The following STX6 variants were observed in gnomAD, a reference collection of about 807,000 sequenced individuals.
STX6 encodes the protein syntaxin 6, also known as syntaxin-6.
Under a neutral mutation model 38.0 loss-of-function variants are expected in STX6, and 23 were observed. That is an observed-to-expected ratio of 0.60 (90% confidence interval 0.43 to 0.86). STX6 has a LOEUF of 0.86. Among genes scored for constraint, STX6 ranks in the 40% least tolerant of loss-of-function variants. STX6 has a pLI of 0.00. For missense variants in STX6, 274 were observed against 312.9 expected (o/e 0.88, Z 0.94); for synonymous variants, 123 against 107.5 (o/e 1.14, Z -0.89).
chr1:180,993,603 C>T (rs933779755), intron 3 of STX6, among the ~76,000 whole-genome samples, 178 bp from the exon 4 acceptor site: 4 of 151,960 alleles, frequency 2.6e-5, no homozygotes, highest in African/African-American at 9.7e-5. Flanking sequence ...GAAAGATGGT[C>T]CCTTAAAAAG....
chr1:181,016,080 G>A (rs1656547868), intron 1 of STX6, among the ~76,000 whole-genome samples: 2 of 152,184 alleles, frequency 1.3e-5, no homozygotes, highest in South Asian at 4.1e-4. Flanking sequence ...ATTTATGATA[G>A]AAATCAGATT....
chr1:180,992,505 G>C (rs1187775615), intron 4 of STX6, among the ~76,000 whole-genome samples: 3 of 152,146 alleles, frequency 2.0e-5, no homozygotes, highest in Non-Finnish European at 4.4e-5. Flanking sequence ...TGAGACTAAG[G>C]TAAGTCATTT....
chr1:181,017,911 T>C (rs1192393418), intron 1 of STX6, among the ~76,000 whole-genome samples: 1 of 152,142 alleles, frequency 6.6e-6, no homozygotes, highest in Non-Finnish European at 1.5e-5. Context: ...GAATACAGGC[T>C]ATGAAAATCA....
rs756041061 is a variant in STX6 at position 180,973,156 on chromosome 1, G to C, written c.*3414C>G. On this transcript the variant is annotated 3_prime_UTR_variant, in exon 8 of 8. Transcript: ENST00000258301. ...GAGAGGAAGACAAAGAAAAATTAGAGGCAGTACATTCCATATTTCAGAACT... is the reference window on the plus strand; with the variant it reads ...GAGAGGAAGACAAAGAAAAATTAGACGCAGTACATTCCATATTTCAGAACT... The C allele has an allele frequency of 3.9e-5, 6 of 152,568 alleles. No individual in the cohort carries two copies. The highest frequency in any genetic ancestry group is 7.3e-5 in the Non-Finnish European group (5 of 68,328). 9.5% of individuals were successfully genotyped at this position (152,568 alleles called of 1,614,324 possible).
chr1:180,981,507 A>G (rs1256213181), intron 7 of STX6, among the ~76,000 whole-genome samples: 1 of 152,052 alleles, frequency 6.6e-6, no homozygotes, highest in Non-Finnish European at 1.5e-5. Flanking sequence ...TCCCTCAGGC[A>G]TCTCGCTATT....
chr1:181,020,918 A>T (rs1656707081), intron 1 of STX6, among the ~76,000 whole-genome samples: 1 of 152,212 alleles, frequency 6.6e-6, no homozygotes, highest in South Asian at 2.1e-4. Flanking sequence ...CTCCCCAAAA[A>T]TCTGGATACA....
intron 6 of STX6, chr1:180,987,985 G>T: frequency 2.8e-6 from 1 of 353,926 alleles, no homozygotes; most frequent in Non-Finnish European, 5.3e-6. Flanking sequence ...TCGAGTATCT[G>T]CTCAGAGACA....
chr1:180,998,668 A>T (rs1655986047), intron 3 of STX6, among the ~76,000 whole-genome samples: 1 of 152,244 alleles, frequency 6.6e-6, no homozygotes, highest in Non-Finnish European at 1.5e-5. Context: ...GGCATGAGCC[A>T]CCACACCCCG....
chr1:181,007,007 G>A (rs1656241457), intron 1 of STX6, among the ~76,000 whole-genome samples: 1 of 152,148 alleles, frequency 6.6e-6, no homozygotes, highest in Admixed American at 6.5e-5. Flanking sequence ...AAGATAAAAT[G>A]GGGAAGAATT....
intron 4 of STX6, among the ~76,000 whole-genome samples, chr1:180,992,856 A>G (rs930178109): frequency 6.6e-6 from 1 of 152,242 alleles, no homozygotes; most frequent in Non-Finnish European, 1.5e-5. Context: ...TCTTTACATC[A>G]AATGTCAATC....
At chr1:181,013,206 T>C (rs1375451104) in intron 1 of STX6, among the ~76,000 whole-genome samples, 2 of 152,178 alleles carry the variant, frequency 1.3e-5, no homozygotes, top group African/African-American at 4.8e-5. Context: ...TAACCAAGTT[T>C]GCCAAGTAAA....
At chr1:180,981,923 C>T (rs990283743) in intron 7 of STX6, among the ~76,000 whole-genome samples, 18 of 152,100 alleles carry the variant, frequency 1.2e-4, no homozygotes, top group African/African-American at 4.1e-4. Context: ...AAAAGAACTC[C>T]AATGGTAGTT....
intron 6 of STX6, chr1:180,987,800 T>G: frequency 7.0e-6 from 1 of 142,900 alleles, no homozygotes; most frequent in Admixed American, 6.8e-5. Context: ...AAGTTTTTTT[T>G]AAAAAAAAAA....
chr1:181,010,516 G>A (rs1447890696), intron 1 of STX6, among the ~76,000 whole-genome samples: 1 of 152,062 alleles, frequency 6.6e-6, no homozygotes, highest in Non-Finnish European at 1.5e-5. Flanking sequence ...TGGCCAGGCT[G>A]GTCTCAAACT....
intron 4 of STX6, among the ~76,000 whole-genome samples, chr1:180,991,281 G>A (rs1655751157): frequency 6.6e-6 from 1 of 152,192 alleles, no homozygotes; most frequent in African/African-American, 2.4e-5. Flanking sequence ...AGTCCAGCTG[G>A]ATGGTGACTG....
At chr1:181,020,920 C>A (rs1030913064) in intron 1 of STX6, among the ~76,000 whole-genome samples, 1 of 152,166 alleles carries the variant, frequency 6.6e-6, no homozygotes, top group Admixed American at 6.5e-5. Flanking sequence ...CCCCAAAAAT[C>A]TGGATACACC....
In STX6 at chr1:180,983,964, T is replaced by G. The variant is rs553489527; in HGVS notation, c.691+713A>C. On this transcript the variant is annotated intron_variant, in intron 7 of 7. Coordinates refer to ENST00000258301, the MANE Select transcript of STX6 (RefSeq NM_005819.6). ...CTGTAGTCCCAGCTACTTGGGAGGCTGAGGCAGGAGAATGGCGTGAACCTG... is the reference window on the plus strand; with the variant it reads ...CTGTAGTCCCAGCTACTTGGGAGGCGGAGGCAGGAGAATGGCGTGAACCTG... 2.5e-3 allele frequency among the ~76,000 whole-genome samples: 356 copies of G among 143,192 alleles called. 6 individuals are homozygous for G. The highest frequency in any genetic ancestry group is 9.0e-3 in the African/African-American group (343 of 38,142). 93.9% of individuals were successfully genotyped at this position (143,192 alleles called of 152,430 possible). A position where few individuals can be genotyped will look rare whatever the true frequency, so the allele number is the denominator to read the frequency against.
chr1:181,012,836 G>C (rs557563718), intron 1 of STX6, among the ~76,000 whole-genome samples: 1 of 151,780 alleles, frequency 6.6e-6, no homozygotes, highest in Non-Finnish European at 1.5e-5. Flanking sequence ...CACCACGCCC[G>C]GCTAATTTTG....
intron 3 of STX6, among the ~76,000 whole-genome samples, chr1:181,001,275 T>C (rs552885524): frequency 1.6e-4 from 25 of 152,366 alleles, no homozygotes; most frequent in African/African-American, 5.5e-4. Flanking sequence ...AGCACTGGTA[T>C]GATCCCAAGT....
Sources: allele counts gnomAD v4.1 joint callset (sites outside exome capture counted in the v4.1 genomes callset), GRCh38; gene constraint gnomAD v4.1.1; transcripts MANE v1.5; gene names NCBI Gene and HGNC (gene_info 2026-07-23, HGNC 2026-07-21).